The following STAB2 variants were observed in gnomAD, a reference collection of about 807,000 sequenced individuals.
STAB2 encodes the protein stabilin-2.
In STAB2, 288 loss-of-function variants were observed where a neutral mutation model predicts 338.1. The ratio of observed to expected loss-of-function variants is 0.85; its 90% CI spans 0.77 to 0.94. The LOEUF (loss-of-function observed/expected upper bound fraction) is 0.94, where lower values mean the gene tolerates loss of function less well. Ranked by LOEUF, STAB2 falls within the 40% of genes least tolerant of loss-of-function variation. STAB2 has a pLI of 0.00. For synonymous variants in STAB2, 1,202 were observed against 1,193.3 expected, an observed-to-expected ratio of 1.01 and a Z score of -0.15; for missense variants, 3,141 against 3,210.1, an observed-to-expected ratio of 0.98 and a Z score of 0.52.
At chr12:103,661,251 T>C (rs901280370) in intron 17 of STAB2, among the ~76,000 whole-genome samples, 1 of 147,348 alleles carries the variant, frequency 6.8e-6, no homozygotes, top group Non-Finnish European at 1.5e-5. Context: ...AGAGAGCATG[T>C]GCAAAGACCC....
intron 66 of STAB2, 63 bp from the exon 67 acceptor site, chr12:103,762,211 G>C (rs1338606969): frequency 2.1e-5 from 33 of 1,596,612 alleles, no homozygotes; most frequent in Non-Finnish European, 2.7e-5. Flanking sequence ...GGGCCACCAA[G>C]GGTTCCCCTT....
At chr12:103,645,387 T>C (rs550139688) in intron 9 of STAB2, among the ~76,000 whole-genome samples, 1 of 152,244 alleles carries the variant, frequency 6.6e-6, no homozygotes, top group Non-Finnish European at 1.5e-5. Flanking sequence ...CATAAAAATA[T>C]GATTCTCCTG....
chr12:103,661,176 A>T (rs1256213456), intron 17 of STAB2, among the ~76,000 whole-genome samples: 1 of 151,324 alleles, frequency 6.6e-6, no homozygotes, highest in Non-Finnish European at 1.5e-5. Flanking sequence ...TGCTATGAAT[A>T]AAGTGAAATT....
At chr12:103,681,402 G>T (rs1876886749) in intron 25 of STAB2, among the ~76,000 whole-genome samples, 1 of 152,238 alleles carries the variant, frequency 6.6e-6, no homozygotes, top group African/African-American at 2.4e-5. Flanking sequence ...TTTCACAGTT[G>T]TAGAGGCTGG....
chr12:103,711,581 C>G, intron 40 of STAB2, 65 bp downstream of exon 40: 7 of 1,564,372 alleles, frequency 4.5e-6, no homozygotes, highest in Non-Finnish European at 6.1e-6. Flanking sequence ...ATTGTCTACC[C>G]TAGTCTCTAT....
At chr12:103,669,653 T>C in intron 21 of STAB2, 26 bp downstream of exon 21, 1 of 1,595,680 alleles carries the variant, frequency 6.3e-7, no homozygotes, top group Non-Finnish European at 8.6e-7. Context: ...TGGCCTTCCA[T>C]AAGTCAAATC....
At chr12:103,748,591 CACACACACACACAT>C (rs1311885478) in intron 58 of STAB2, among the ~76,000 whole-genome samples, 2,982 of 49,062 alleles carry the variant, frequency 0.061, 32 homozygotes, top group East Asian at 0.13. Context: ...ACACCACACA[CACACACACACACAT>C]ACACACACAC....
intron 44 of STAB2, among the ~76,000 whole-genome samples, chr12:103,720,100 T>G (rs1357053285): frequency 2.0e-5 from 3 of 152,200 alleles, no homozygotes; most frequent in Non-Finnish European, 1.5e-5. Flanking sequence ...GAAACAGTTA[T>G]GTAAGGATAA....
At position 103,673,888 on chromosome 12, in the gene STAB2, C is replaced by G; in HGVS notation, c.2372-19C>G. On this transcript the variant is annotated intron_variant, in intron 22 of 68. Transcript: ENST00000388887. ...TGTCCCCAAGGCCTGGACGGATGTC[C>G]CTCCTCCTCCTCTTTCAGAATGCCT... The G allele has an allele frequency of 4.4e-6, 7 of 1,600,070 alleles. No homozygotes were observed. Among genetic ancestry groups the G allele is most frequent in the Non-Finnish European group, 6.0e-6 (7 of 1,170,426 alleles).
At chr12:103,708,967 C>T (rs1879607535) in intron 39 of STAB2, among the ~76,000 whole-genome samples, 1 of 152,162 alleles carries the variant, frequency 6.6e-6, no homozygotes, top group African/African-American at 2.4e-5. Flanking sequence ...TCTGCTCTCT[C>T]AAACACTGCT....
Position 103,689,827 on chromosome 12 carries a change from T to G in STAB2, c.3046-19T>G, listed in dbSNP as rs1877765408. 1.2e-6 allele frequency: 2 copies of G among 1,608,834 alleles called. No individual in the cohort carries two copies. The highest frequency in any genetic ancestry group is 2.2e-5 in the East Asian group (1 of 44,830). ...CCCCTAACATAAGCAGGTCACTTTATTTTCCTTCTGTGGTTCAGAATGCTT... is the reference window on the plus strand; with the variant it reads ...CCCCTAACATAAGCAGGTCACTTTAGTTTCCTTCTGTGGTTCAGAATGCTT... On this transcript the variant is annotated intron_variant, in intron 28 of 68. Coordinates refer to ENST00000388887, the MANE Select transcript of STAB2 (RefSeq NM_017564.10).
At chr12:103,689,237 C>A (rs929301548) in intron 28 of STAB2, among the ~76,000 whole-genome samples, 9 of 152,170 alleles carry the variant, frequency 5.9e-5, no homozygotes, top group Admixed American at 4.6e-4. Context: ...AATCCCAGCA[C>A]TTTGGGAGGC....
chr12:103,749,557 C>T (rs556787068), intron 59 of STAB2, among the ~76,000 whole-genome samples: 63 of 151,682 alleles, frequency 4.2e-4, no homozygotes, highest in Non-Finnish European at 5.3e-4. Flanking sequence ...TGGCCGGGCA[C>T]GGTGGCTCAC....
chr12:103,587,665 T>C (rs920212004), intron 1 of STAB2, 108 bp downstream of exon 1: 4 of 872,902 alleles, frequency 4.6e-6, no homozygotes, highest in Admixed American at 2.6e-5. Flanking sequence ...CTGGACTTTA[T>C]AAAATACAGA....
chr12:103,670,900 C>T, intron 22 of STAB2, 93 bp downstream of exon 22: 1 of 1,026,194 alleles, frequency 9.7e-7, no homozygotes, highest in Non-Finnish European at 1.5e-6. Flanking sequence ...TGTCTCAGGA[C>T]CCCTTTGCTT....
intron 24 of STAB2, 57 bp from the exon 25 acceptor site, chr12:103,677,396 G>T (rs1206619871): frequency 3.9e-6 from 6 of 1,527,512 alleles, no homozygotes; most frequent in East Asian, 2.3e-5. Flanking sequence ...CTTATTTTTG[G>T]AATCATGTGG....
At chr12:103,716,270 G>C (rs1474876229) in intron 43 of STAB2, among the ~76,000 whole-genome samples, 1 of 152,174 alleles carries the variant, frequency 6.6e-6, no homozygotes, top group Non-Finnish European at 1.5e-5. Flanking sequence ...AGATAATACT[G>C]TGGGCACTCT....
At chr12:103,717,499 G>A (rs937775684) in intron 43 of STAB2, among the ~76,000 whole-genome samples, 2 of 152,062 alleles carry the variant, frequency 1.3e-5, no homozygotes, top group African/African-American at 4.8e-5. Context: ...GGGACCAAAT[G>A]GAGTGAGAAC....
rs373656127 is a variant in STAB2 at position 103,603,139 on chromosome 12, C to T, written c.331+8629C>T. Among the ~76,000 whole-genome samples the T allele has an allele frequency of 4.7e-4, 72 of 152,252 alleles. No homozygotes were observed. In the South Asian group the frequency reaches 0.012, roughly 25 times the overall value. On this transcript the variant is annotated intron_variant, in intron 3 of 68. Transcript: ENST00000388887. The stretch of plus-strand genomic sequence containing the variant: ...AGGCTGGAGTGCAGTGGCGCGATCT[C>T]GGCTCACTGCAAGCTCTGCCTCCCG...
Sources: gnomAD v4.1 joint callset for allele counts (sites outside exome capture counted in the v4.1 genomes callset) on GRCh38, gnomAD v4.1.1 for gene constraint, MANE v1.5 for transcripts, NCBI Gene and HGNC (gene_info 2026-07-23, HGNC 2026-07-21) for gene names.